Variants in INSYN2B observed in about 807,000 individuals in gnomAD.
The protein encoded by INSYN2B is protein INSYN2B.
INSYN2B carries 16 observed loss-of-function variants against 41.2 expected under a neutral mutation model. That is an observed-to-expected ratio of 0.39 (90% CI 0.26 to 0.59). The LOEUF (loss-of-function observed/expected upper bound fraction) is 0.59. INSYN2B is among the 20% of genes least tolerant of loss of function. The pLI, the probability that INSYN2B is intolerant of heterozygous loss-of-function variation, is 0.57. For missense variants in INSYN2B, 608 were observed against 646.4 expected (o/e 0.94, Z 0.64); for synonymous variants, 245 against 244.4 (o/e 1.00, Z -0.02).
rs747714801 is a variant in INSYN2B, at chr5:169,864,137, G to T, written c.*136C>A. The T allele has an allele frequency of 2.6e-6, 2 of 757,434 alleles. No homozygotes were observed. Among genetic ancestry groups the T allele is most frequent in the South Asian group, 1.8e-5 (1 of 55,560 alleles). The allele number at this position is 757,434 out of a possible 1,614,324, so 46.9% of individuals were successfully genotyped here. On this transcript the variant is annotated 3_prime_UTR_variant, in exon 4 of 4. Transcript: ENST00000377365. ...CAGCAGCGGCTACATCAGCTCCAAG[G>T]CTCTTCTGTTTCACAGGCCAAGGGG...
At chr5:169,931,592 T>C (rs754099602) in intron 1 of INSYN2B, among the ~76,000 whole-genome samples, 3 of 152,388 alleles carry the variant, frequency 2.0e-5, no homozygotes, top group East Asian at 1.9e-4. Flanking sequence ...ACTTATTCGC[T>C]GTTTGACTTT....
At position 169,861,550 on chromosome 5, in the gene INSYN2B, A is replaced by G. The variant is rs904715535; in HGVS notation, c.*2723T>C. Among the ~76,000 whole-genome samples the G allele has an allele frequency of 3.3e-5, 5 of 152,254 alleles. No homozygotes were observed. The highest frequency in any genetic ancestry group is 9.6e-5 in the African/African-American group (4 of 41,470). ...TTTTTCCTTTCAATTTTATAAAAGT[A>G]ATTTTTGCTAAGTTAATATCTCTCC... On this transcript the variant is annotated 3_prime_UTR_variant, in exon 4 of 4. Transcript: ENST00000377365.
intron 1 of INSYN2B, among the ~76,000 whole-genome samples, chr5:169,897,341 C>A (rs1773671146): frequency 6.6e-6 from 1 of 152,134 alleles, no homozygotes; most frequent in East Asian, 1.9e-4. Flanking sequence ...CACACCACCA[C>A]ACCCAGCTAA....
intron 1 of INSYN2B, among the ~76,000 whole-genome samples, chr5:169,906,013 A>G (rs528993688): frequency 3.3e-4 from 51 of 152,320 alleles, no homozygotes; most frequent in Non-Finnish European, 3.4e-4. Flanking sequence ...ACAAGGTTTA[A>G]TATCTCAGCA....
intron 1 of INSYN2B, among the ~76,000 whole-genome samples, chr5:169,900,203 G>A (rs1416650456): frequency 6.6e-6 from 1 of 152,174 alleles, no homozygotes; most frequent in Non-Finnish European, 1.5e-5. Context: ...CAAGCTTTAA[G>A]CAAGGTCAGG....
chr5:169,887,549 G>A (rs888265847), intron 1 of INSYN2B, among the ~76,000 whole-genome samples: 14 of 152,108 alleles, frequency 9.2e-5, no homozygotes, highest in Non-Finnish European at 1.9e-4. Context: ...ACACATTATG[G>A]TGTACAGATC....
chr5:169,975,822 A>G, intron 1 of INSYN2B, among the ~76,000 whole-genome samples: 1 of 152,214 alleles, frequency 6.6e-6, no homozygotes, highest in East Asian at 1.9e-4. Context: ...TGAGCTTCTT[A>G]AGAACAAAGC....
chr5:169,897,725 A>G (rs1773696360), intron 1 of INSYN2B, among the ~76,000 whole-genome samples: 1 of 152,194 alleles, frequency 6.6e-6, no homozygotes, highest in African/African-American at 2.4e-5. Context: ...CTCCCTGTCC[A>G]TGCAAGCATT....
chr5:169,900,979 G>C (rs989596776), intron 1 of INSYN2B, among the ~76,000 whole-genome samples: 2 of 152,162 alleles, frequency 1.3e-5, no homozygotes, highest in African/African-American at 4.8e-5. Flanking sequence ...TTGGAACTTA[G>C]TTACGGGTAG....
intron 1 of INSYN2B, among the ~76,000 whole-genome samples, chr5:169,930,886 C>A (rs1254807629): frequency 6.6e-6 from 1 of 152,168 alleles, no homozygotes; most frequent in African/African-American, 2.4e-5. Context: ...ATTAGCCATA[C>A]ACATAAATAC....
chr5:169,882,540 A>G lies in INSYN2B; in HGVS notation c.1346+13T>C, dbSNP rs1446420388. On this transcript the variant is annotated intron_variant, in intron 2 of 3. Coordinates refer to ENST00000377365, the MANE Select transcript of INSYN2B (RefSeq NM_001129891.3). The stretch of plus-strand genomic sequence containing the variant: ...ACCCAGTCATTTTTAATATGAAAAA[A>G]AAATCTCCTTACCCTTCAGTGAGAG... The G allele has an allele frequency of 1.3e-6, 2 of 1,520,966 alleles. No homozygotes were observed. Among genetic ancestry groups the G allele is most frequent in the Admixed American group, 4.3e-5 (2 of 46,816 alleles). 94.2% of individuals were successfully genotyped at this position (1,520,966 alleles called of 1,614,324 possible). A position where few individuals can be genotyped will look rare whatever the true frequency, so the allele number is the denominator to read the frequency against.
chr5:169,923,115 C>T (rs1027747202), intron 1 of INSYN2B, among the ~76,000 whole-genome samples: 1 of 152,190 alleles, frequency 6.6e-6, no homozygotes, highest in Non-Finnish European at 1.5e-5. Flanking sequence ...CCTAGGCTCT[C>T]AGGCTCCAAG....
intron 1 of INSYN2B, among the ~76,000 whole-genome samples, chr5:169,925,896 G>C (rs1220385044): frequency 1.3e-5 from 2 of 152,156 alleles, no homozygotes; most frequent in Non-Finnish European, 2.9e-5. Flanking sequence ...AGCTGGGCCT[G>C]TTTTAGGTCT....
chr5:169,939,595 A>T (rs1776148635), intron 1 of INSYN2B, among the ~76,000 whole-genome samples: 1 of 152,212 alleles, frequency 6.6e-6, no homozygotes, highest in Non-Finnish European at 1.5e-5. Context: ...ACAGTATGTT[A>T]GTTTACAAAT....
intron 3 of INSYN2B, among the ~76,000 whole-genome samples, chr5:169,876,075 G>C (rs1412967242): frequency 6.6e-6 from 1 of 152,182 alleles, no homozygotes; most frequent in African/African-American, 2.4e-5. Flanking sequence ...TTTGGGGTCT[G>C]CCATGCCTCC....
chr5:169,862,600 A>C lies in INSYN2B; in HGVS notation c.*1673T>G, dbSNP rs952222025. ...CAAGTGTATTTATCTTAATTCTAAC[A>C]TGACGTTATATATTCCGGTCTGATT... On this transcript the variant is annotated 3_prime_UTR_variant, in exon 4 of 4. Transcript: ENST00000377365. Among the ~76,000 whole-genome samples the C allele has an allele frequency of 6.6e-6, 1 of 152,248 alleles. No individual in the cohort carries two copies. The highest frequency in any genetic ancestry group is 1.5e-5 in the Non-Finnish European group (1 of 68,052).
At chr5:169,872,890 G>A (rs992417757) in intron 3 of INSYN2B, among the ~76,000 whole-genome samples, 2 of 152,206 alleles carry the variant, frequency 1.3e-5, no homozygotes, top group African/African-American at 4.8e-5. Context: ...CCACATTTTA[G>A]GATGGTTAGG....
Position 169,883,251 on chromosome 5 carries a change from A to G in INSYN2B, c.648T>C (p.Ala216=), listed in dbSNP as rs777202202. ...DDIYHSPSWE[A]RESALSPDRS... The stretch of plus-strand genomic sequence containing the variant: ...TGTCTGGGCTGAGAGCAGACTCTCT[A>G]GCTTCCCAGGAAGGACTGTGATAAA... Residue 216 remains alanine (A), a synonymous_variant, in exon 2 of 4, where the codon GCT becomes GCC. Coordinates refer to ENST00000377365, the MANE Select transcript of INSYN2B (RefSeq NM_001129891.3). The G allele has an allele frequency of 4.0e-5, 62 of 1,551,506 alleles. No individual in the cohort carries two copies. Among genetic ancestry groups the G allele is most frequent in the Non-Finnish European group, 5.1e-5 (59 of 1,146,968 alleles).
chr5:169,924,886 A>G (rs576193968), intron 1 of INSYN2B, among the ~76,000 whole-genome samples: 1 of 152,184 alleles, frequency 6.6e-6, no homozygotes, highest in East Asian at 1.9e-4. Flanking sequence ...CCTGATAACT[A>G]CTTCCTCTAG....
Sources: allele counts gnomAD v4.1 joint callset (sites outside exome capture counted in the v4.1 genomes callset), GRCh38; gene constraint gnomAD v4.1.1; transcripts MANE v1.5; gene names NCBI Gene and HGNC (gene_info 2026-07-23, HGNC 2026-07-21).